Variants in COMMD1 observed in about 807,000 individuals in gnomAD.
The protein encoded by COMMD1 is COMM domain-containing protein 1.
A neutral mutation model predicts 17.2 loss-of-function variants in COMMD1; 10 were observed. The ratio of observed to expected loss-of-function variants is 0.58; its 90% CI spans 0.36 to 0.99. The LOEUF is 0.99. Ranked by LOEUF, COMMD1 falls within the 50% of genes least tolerant of loss-of-function variation. The pLI is 0.01. For missense variants in COMMD1, 270 were observed against 231.8 expected, an observed-to-expected ratio of 1.17 and a Z score of -1.07; for synonymous variants, 97 against 91.6, an observed-to-expected ratio of 1.06 and a Z score of -0.34.
intron 2 of COMMD1, among the ~76,000 whole-genome samples, chr2:62,129,246 A>T (rs1264914593): frequency 6.6e-6 from 1 of 152,204 alleles, no homozygotes; most frequent in East Asian, 1.9e-4. Context: ...AAAATATTGG[A>T]AATATCAGAA....
chr2:62,092,707 T>C (rs1671868463), intron 2 of COMMD1, among the ~76,000 whole-genome samples: 1 of 152,212 alleles, frequency 6.6e-6, no homozygotes, highest in African/African-American at 2.4e-5. Context: ...AGCTTTGTTT[T>C]ATTTGTTAAG....
chr2:62,084,430 A>G (rs1431802867), intron 2 of COMMD1, among the ~76,000 whole-genome samples: 1 of 152,198 alleles, frequency 6.6e-6, no homozygotes, highest in Non-Finnish European at 1.5e-5. Flanking sequence ...TATATTTACT[A>G]TTCATTAACT....
intron 1 of COMMD1, among the ~76,000 whole-genome samples, chr2:61,892,820 G>T (rs1164588229): frequency 1.3e-5 from 2 of 151,374 alleles, no homozygotes; most frequent in African/African-American, 4.9e-5. Context: ...GTTTATTATC[G>T]AGACCACCAT....
chr2:62,058,414 C>T (rs1670769595), intron 2 of COMMD1, among the ~76,000 whole-genome samples: 1 of 152,188 alleles, frequency 6.6e-6, no homozygotes, highest in South Asian at 2.1e-4. Flanking sequence ...AGACAAGGGT[C>T]TCACTGTGTT....
intron 2 of COMMD1, among the ~76,000 whole-genome samples, chr2:62,130,471 C>T (rs1159664258): frequency 2.0e-5 from 3 of 152,024 alleles, no homozygotes; most frequent in African/African-American, 7.2e-5. Flanking sequence ...AATTCTAAGG[C>T]ATCCTTTCCC....
chr2:62,082,763 G>A (rs1253742592), intron 2 of COMMD1, among the ~76,000 whole-genome samples: 1 of 152,120 alleles, frequency 6.6e-6, no homozygotes, highest in East Asian at 1.9e-4. Context: ...AGGAGGCTGA[G>A]GCAGAAGAAT....
intron 1 of COMMD1, among the ~76,000 whole-genome samples, chr2:61,921,872 G>C (rs188804635): frequency 2.6e-5 from 4 of 152,286 alleles, no homozygotes; most frequent in Admixed American, 1.3e-4. Context: ...TCTTAGAGGT[G>C]CAAACTGGAA....
rs187698008 is a variant in COMMD1 at position 62,033,415 on chromosome 2, G to A, written c.462+32433G>A. Among the ~76,000 whole-genome samples, 10 of 152,238 alleles carry A rather than the reference G, an allele frequency of 6.6e-5. No homozygotes were observed. In the East Asian group the frequency reaches 1.9e-3, roughly 29 times the overall value. Reference sequence around the variant, plus strand: ...TTTTTGGAATGAAAATGTTGAATTAGGATAGCCTTGGGAGAGAACAGAAAA... The same window carrying A: ...TTTTTGGAATGAAAATGTTGAATTAAGATAGCCTTGGGAGAGAACAGAAAA... On this transcript the variant is annotated intron_variant, in intron 2 of 2. Coordinates refer to ENST00000311832, the MANE Select transcript of COMMD1 (RefSeq NM_152516.4).
intron 1 of COMMD1, among the ~76,000 whole-genome samples, chr2:61,916,623 C>T: frequency 6.6e-6 from 1 of 151,554 alleles, no homozygotes; most frequent in East Asian, 2.0e-4. Flanking sequence ...GACAGGGTCT[C>T]CCTATGTTGT....
intron 1 of COMMD1, chr2:61,915,738 C>T (rs1428361641): frequency 6.6e-6 from 3 of 452,698 alleles, no homozygotes; most frequent in African/African-American, 4.0e-5. Flanking sequence ...CTTAAGCAAC[C>T]CTCTCTCTTT....
intron 2 of COMMD1, among the ~76,000 whole-genome samples, chr2:62,134,587 C>G (rs1404345222): frequency 4.6e-5 from 7 of 150,562 alleles, no homozygotes; most frequent in African/African-American, 1.5e-4. Flanking sequence ...GATCCTCCCC[C>G]TACCCCCATC....
intron 2 of COMMD1, among the ~76,000 whole-genome samples, chr2:62,077,903 T>A (rs1671390428): frequency 6.6e-6 from 1 of 151,980 alleles, no homozygotes; most frequent in African/African-American, 2.4e-5. Context: ...ATAGGTAGAT[T>A]TAAAATTCTT....
intron 1 of COMMD1, among the ~76,000 whole-genome samples, chr2:61,897,050 G>T (rs529665982): frequency 6.6e-6 from 1 of 151,936 alleles, no homozygotes; most frequent in South Asian, 2.1e-4. Flanking sequence ...GGCTGGTCTC[G>T]AACTCCTGAC....
intron 2 of COMMD1, among the ~76,000 whole-genome samples, chr2:62,133,417 G>A (rs2104106552): frequency 6.6e-6 from 1 of 152,080 alleles, no homozygotes; most frequent in Non-Finnish European, 1.5e-5. Flanking sequence ...GGACGAAAAA[G>A]TTTTTCTCTG....
intron 1 of COMMD1, among the ~76,000 whole-genome samples, chr2:61,908,868 A>C (rs188802433): frequency 3.9e-4 from 60 of 152,238 alleles, no homozygotes; most frequent in Middle Eastern, 3.4e-3. Flanking sequence ...AGCCCTGCCA[A>C]ATTTCTCTAA....
chr2:62,078,100 C>G (rs953976720), intron 2 of COMMD1, among the ~76,000 whole-genome samples: 3 of 151,194 alleles, frequency 2.0e-5, no homozygotes, highest in African/African-American at 7.3e-5. Flanking sequence ...ACGGTGAAAC[C>G]CTGTCTGTAC....
At chr2:61,890,330 C>T (rs1387628629) in intron 1 of COMMD1, among the ~76,000 whole-genome samples, 1 of 152,176 alleles carries the variant, frequency 6.6e-6, no homozygotes, top group Non-Finnish European at 1.5e-5. Flanking sequence ...AGCGATTCTC[C>T]TGCCTCAGCC....
intron 1 of COMMD1, among the ~76,000 whole-genome samples, chr2:61,927,982 T>C (rs6720293): frequency 0.29 from 43,564 of 151,680 alleles, 8,087 homozygotes; most frequent in African/African-American, 0.53. Flanking sequence ...TCAGGCTGGT[T>C]TCAAACTCCT....
intron 2 of COMMD1, chr2:62,118,238 G>T (rs913691077): frequency 6.6e-6 from 1 of 152,080 alleles, no homozygotes; most frequent in Non-Finnish European, 1.5e-5. Context: ...TTACCTTCTG[G>T]CTTGATCTCT....
Sources: gnomAD v4.1 joint callset for allele counts (sites outside exome capture counted in the v4.1 genomes callset) on GRCh38, gnomAD v4.1.1 for gene constraint, MANE v1.5 for transcripts, NCBI Gene and HGNC (gene_info 2026-07-23, HGNC 2026-07-21) for gene names.